The following CXXC5 variants were observed in gnomAD, a reference collection of about 807,000 sequenced individuals.
CXXC5 encodes the protein CXXC-type zinc finger protein 5.
A neutral mutation model predicts 17.6 loss-of-function variants in CXXC5; 2 were observed. The ratio of observed to expected loss-of-function variants is 0.11; its 90% CI spans 0.05 to 0.36. The LOEUF (loss-of-function observed/expected upper bound fraction) is 0.36, where lower values mean the gene tolerates loss of function less well. Among genes scored for constraint, CXXC5 ranks in the 10% least tolerant of loss-of-function variants. The pLI, the probability that CXXC5 is intolerant of heterozygous loss-of-function variation, is 1.00. For synonymous variants in CXXC5, 171 were observed against 193.0 expected (o/e 0.89, Z 0.94); for missense variants, 343 against 458.3 (o/e 0.75, Z 2.30).
Position 139,680,839 on chromosome 5 carries a change from A to T in CXXC5, c.316A>T (p.Thr106Ser). 1.2e-6 allele frequency: 2 copies of T among 1,611,644 alleles called. No individual in the cohort carries two copies. The highest frequency in any genetic ancestry group is 1.7e-6 in the Non-Finnish European group (2 of 1,179,974). The stretch of plus-strand genomic sequence containing the variant: ...GGGCGGAGAGTCTGCTGACAAGGCC[A>T]CTGCGGCTGCAGCCGCTGCCTCCCT... Reference protein sequence around the residue: ...MMGGESADKATAAAAAASLLA... With the variant: ...MMGGESADKASAAAAAASLLA... The change falls in exon 2 of 3, where the codon ACT (threonine) becomes TCT (serine). Residue 106 changes from threonine to serine, a missense_variant. Thr to Ser is a moderately conservative substitution (Grantham distance 58). This residue lies in a region of CXXC5 where 297 missense variants were observed against 363.4 expected (regional missense o/e 0.82). Coordinates refer to ENST00000302517, the MANE Select transcript of CXXC5 (RefSeq NM_016463.9).
intron 1 of CXXC5, among the ~76,000 whole-genome samples, chr5:139,652,738 T>G (rs2126740336): frequency 6.6e-6 from 1 of 152,358 alleles, no homozygotes; most frequent in South Asian, 2.1e-4. Context: ...TTTGTGAATC[T>G]GAGATTGTAT....
chr5:139,660,317 T>C (rs114301483), intron 1 of CXXC5, among the ~76,000 whole-genome samples: 352 of 152,170 alleles, frequency 2.3e-3, no homozygotes, highest in African/African-American at 8.0e-3. Context: ...CTCCAGGAAA[T>C]AGCAGCTGTC....
intron 1 of CXXC5, among the ~76,000 whole-genome samples, chr5:139,672,952 T>A (rs1253653160): frequency 6.6e-6 from 1 of 152,130 alleles, no homozygotes; most frequent in Non-Finnish European, 1.5e-5. Flanking sequence ...CCATCTCTGA[T>A]TTCTTGACTC....
intron 1 of CXXC5, among the ~76,000 whole-genome samples, chr5:139,676,151 ACCT>A (rs1345447556): frequency 8.5e-5 from 1 of 11,738 alleles, no homozygotes; most frequent in African/African-American, 3.6e-4. Flanking sequence ...CCTCCTCCCC[ACCT>A]CCTCCCAAGT....
At chr5:139,654,303 G>GT (rs1189371353) in intron 1 of CXXC5, among the ~76,000 whole-genome samples, 1 of 152,180 alleles carries the variant, frequency 6.6e-6, no homozygotes, top group Non-Finnish European at 1.5e-5. Flanking sequence ...TGGCTCTAGA[G>GT]TCCATCAGAT....
At chr5:139,650,244 C>T (rs1280201378) in intron 1 of CXXC5, among the ~76,000 whole-genome samples, 4 of 152,164 alleles carry the variant, frequency 2.6e-5, no homozygotes, top group Non-Finnish European at 5.9e-5. Flanking sequence ...TTGGCAACCG[C>T]GCCCTCCTTT....
At chr5:139,674,416 T>G (rs1440414708) in intron 1 of CXXC5, among the ~76,000 whole-genome samples, 1 of 152,104 alleles carries the variant, frequency 6.6e-6, no homozygotes, top group Non-Finnish European at 1.5e-5. Flanking sequence ...AGGGCCGGGA[T>G]GTCAAGTGCT....
chr5:139,655,093 G>T (rs1019762764), intron 1 of CXXC5, among the ~76,000 whole-genome samples: 1 of 152,148 alleles, frequency 6.6e-6, no homozygotes, highest in Non-Finnish European at 1.5e-5. Context: ...TCTTGATAGG[G>T]TGGCTGGCAG....
chr5:139,672,317 C>T (rs1756522544), intron 1 of CXXC5, among the ~76,000 whole-genome samples: 1 of 152,206 alleles, frequency 6.6e-6, no homozygotes, highest in African/African-American at 2.4e-5. Flanking sequence ...AGGGTTTCTC[C>T]ATGTTGGTCA....
chr5:139,682,438 C>T (rs1248587533), intron 2 of CXXC5, among the ~76,000 whole-genome samples: 4 of 151,564 alleles, frequency 2.6e-5, no homozygotes, highest in Non-Finnish European at 5.9e-5. Context: ...CACATAGACA[C>T]GGCCGCTTGA....
At chr5:139,651,370 A>G (rs1213143259) in intron 1 of CXXC5, among the ~76,000 whole-genome samples, 2 of 129,378 alleles carry the variant, frequency 1.5e-5, no homozygotes, top group Non-Finnish European at 3.2e-5. Context: ...ATGTCCACCC[A>G]GCTGGGCTAG....
At chr5:139,669,414 C>T (rs937645712) in intron 1 of CXXC5, among the ~76,000 whole-genome samples, 2 of 152,050 alleles carry the variant, frequency 1.3e-5, no homozygotes, top group African/African-American at 2.4e-5. Context: ...TTGGGACAAC[C>T]GCCATAGCGG....
chr5:139,656,712 A>ATTTTGT (rs776438335), intron 1 of CXXC5, among the ~76,000 whole-genome samples: 63 of 152,080 alleles, frequency 4.1e-4, no homozygotes, highest in African/African-American at 9.9e-4. Flanking sequence ...GTTAACTGCT[A>ATTTTGT]TTTTGTTTTT....
At chr5:139,672,519 C>T (rs356454) in intron 1 of CXXC5, among the ~76,000 whole-genome samples, 41,466 of 152,174 alleles carry the variant, frequency 0.27, 5,953 homozygotes, top group South Asian at 0.32. Flanking sequence ...TCAGTCTCAG[C>T]CCTGCGTCCT....
intron 1 of CXXC5, among the ~76,000 whole-genome samples, chr5:139,665,193 G>A (rs1756036270): frequency 6.6e-6 from 1 of 152,262 alleles, no homozygotes; most frequent in Non-Finnish European, 1.5e-5. Context: ...GCCCGCTCCT[G>A]CTCCCACTCT....
At chr5:139,669,088 C>T (rs1756300482) in intron 1 of CXXC5, among the ~76,000 whole-genome samples, 1 of 152,178 alleles carries the variant, frequency 6.6e-6, no homozygotes, top group Non-Finnish European at 1.5e-5. Context: ...GCCAGGCAGG[C>T]CCTGGGCACT....
Position 139,681,211 on chromosome 5 carries a change from C to G in CXXC5, c.688C>G (p.Leu230Val). 1 of 1,612,748 alleles carries G rather than the reference C, an allele frequency of 6.2e-7. No individual in the cohort carries two copies. The highest frequency in any genetic ancestry group is 8.5e-7 in the Non-Finnish European group (1 of 1,179,858). The change falls in exon 2 of 3, where the codon CTG becomes GTG. Residue 230 changes from leucine (L) to valine (V), a missense_variant. Physicochemically the swap from Leu to Val is conservative, Grantham distance 32 (BLOSUM62 1). This residue lies in a region of CXXC5 where 297 missense variants were observed against 363.4 expected (regional missense o/e 0.82). Coordinates refer to ENST00000302517, the MANE Select transcript of CXXC5 (RefSeq NM_016463.9). ...LFIMTPAGVF[L>V]AESALHMAGL... is the part of the protein sequence containing the mutation. ...CATTATGACCCCGGCAGGTGTGTTC[C>G]TGGCCGAGAGCGCGCTGCACATGGC...
intron 1 of CXXC5, among the ~76,000 whole-genome samples, chr5:139,666,874 G>T (rs760277413): frequency 5.3e-5 from 8 of 152,178 alleles, no homozygotes; most frequent in South Asian, 4.1e-4. Flanking sequence ...TGAGAGGGGA[G>T]CCTGGTGCAT....
At chr5:139,680,281 A>C in intron 1 of CXXC5, 83 bp from the exon 2 acceptor site, 1 of 579,348 alleles carries the variant, frequency 1.7e-6, no homozygotes, top group African/African-American at 1.9e-5. Context: ...TCAGGATGAC[A>C]GGACCGTTGA....
Sources: gnomAD v4.1 joint callset for allele counts (sites outside exome capture counted in the v4.1 genomes callset) on GRCh38, gnomAD v4.1.1 for gene constraint, gnomAD v4.1.1 regional missense constraint, MANE v1.5 for transcripts, NCBI Gene and HGNC (gene_info 2026-07-23, HGNC 2026-07-21) for gene names.